Variants in UNC13C observed in about 807,000 individuals in gnomAD.
UNC13C encodes the protein unc-13 homolog C, also known as protein unc-13 homolog C.
Under a neutral mutation model 245.4 loss-of-function variants are expected in UNC13C, and 174 were observed. The observed-to-expected ratio is 0.71, with a 90% CI of 0.63 to 0.80. The LOEUF (loss-of-function observed/expected upper bound fraction) is 0.80, where lower values mean the gene tolerates loss of function less well. Among genes scored for constraint, UNC13C ranks in the 30% least tolerant of loss-of-function variants. The pLI, the probability that UNC13C is intolerant of heterozygous loss-of-function variation, is 0.00. For missense variants in UNC13C, 2,829 were observed against 2,602.9 expected (o/e 1.09, Z -1.89); for synonymous variants, 992 against 895.1 (o/e 1.11, Z -1.93).
rs542552938 is a variant in UNC13C at position 54,013,010 on chromosome 15, G to A, written c.107G>A (p.Arg36His). 2,809 of 1,613,796 alleles carry A rather than the reference G, an allele frequency of 1.7e-3. 65 individuals carry two copies. In the South Asian group the frequency reaches 0.029, roughly 17 times the overall value. ...LGNTNKNKEY[R>H]QQKKDQDFPT... ...AATACAAACAAAAACAAAGAGTATC[G>A]TCAGCAGAAAAAGGATCAAGACTTC... Residue 36 changes from arginine (R) to histidine (H), a missense_variant, in exon 2 of 33, where the codon CGT (arginine) becomes CAT (histidine). By Grantham distance (29) the Arg-to-His change is conservative. Transcript: ENST00000260323.
At chr15:54,034,468 T>A (rs17633788) in intron 2 of UNC13C, among the ~76,000 whole-genome samples, 8,439 of 152,262 alleles carry the variant, frequency 0.055, 283 homozygotes, top group Non-Finnish European at 0.07. Context: ...TGGTATTAAC[T>A]CTGTTTTCTT....
intron 30 of UNC13C, chr15:54,611,509 G>T (rs1900092435): frequency 6.6e-6 from 1 of 152,080 alleles, no homozygotes; most frequent in African/African-American, 2.4e-5. Flanking sequence ...AAGAAGAGAA[G>T]GTCCATCCAT....
intron 32 of UNC13C, among the ~76,000 whole-genome samples, chr15:54,625,402 A>C (rs978490001): frequency 2.6e-5 from 4 of 152,178 alleles, no homozygotes; most frequent in African/African-American, 9.6e-5. Context: ...GAATAAAATC[A>C]AAGATGATCC....
chr15:54,505,762 TGAGA>T (rs1894445893), intron 22 of UNC13C, among the ~76,000 whole-genome samples: 1 of 150,678 alleles, frequency 6.6e-6, no homozygotes. Context: ...TTTTTTTTTT[TGAGA>T]CAATCTCGCT....
chr15:54,327,722 A>C (rs2038335057), intron 14 of UNC13C, among the ~76,000 whole-genome samples: 1 of 152,026 alleles, frequency 6.6e-6, no homozygotes. Flanking sequence ...TAACCAGTGC[A>C]CTGAGTAATT....
At chr15:54,033,586 C>A (rs1310672741) in intron 2 of UNC13C, among the ~76,000 whole-genome samples, 1 of 152,044 alleles carries the variant, frequency 6.6e-6, no homozygotes, top group Non-Finnish European at 1.5e-5. Context: ...CCAAGAAGGA[C>A]CTGGGAATAA....
intron 19 of UNC13C, among the ~76,000 whole-genome samples, chr15:54,433,731 C>G (rs893221720): frequency 6.6e-6 from 1 of 151,880 alleles, no homozygotes; most frequent in Non-Finnish European, 1.5e-5. Context: ...AAGTTCTGGC[C>G]AGGGCAATCA....
At chr15:54,159,609 G>A (rs995182731) in intron 4 of UNC13C, among the ~76,000 whole-genome samples, 9 of 152,262 alleles carry the variant, frequency 5.9e-5, no homozygotes, top group Admixed American at 2.6e-4. Flanking sequence ...ATAATCTAGA[G>A]TTTAAGGGCC....
the UNC13C span, among the ~76,000 whole-genome samples, chr15:53,871,683 C>T: frequency 6.6e-6 from 1 of 152,170 alleles, no homozygotes; most frequent in African/African-American, 2.4e-5. Flanking sequence ...CCCTAGATAG[C>T]CTGTGGCTGG....
the UNC13C span, among the ~76,000 whole-genome samples, chr15:53,858,428 G>GTT: frequency 3.0e-4 from 44 of 144,794 alleles, no homozygotes; most frequent in African/African-American, 4.6e-4. Flanking sequence ...GTTTTTGTTT[G>GTT]TTTTTTTTTT....
intron 2 of UNC13C, among the ~76,000 whole-genome samples, chr15:54,137,889 T>C (rs914698077): frequency 6.6e-6 from 1 of 152,166 alleles, no homozygotes; most frequent in Non-Finnish European, 1.5e-5. Context: ...TTTGGTTTTG[T>C]ATCTAGTTCT....
chr15:54,517,260 T>C (rs1029276954), intron 24 of UNC13C, among the ~76,000 whole-genome samples: 7 of 152,108 alleles, frequency 4.6e-5, no homozygotes, highest in Non-Finnish European at 7.4e-5. Flanking sequence ...TTATAAAGTA[T>C]ATATTAGATA....
chr15:54,188,271 A>G (rs1259109314), intron 4 of UNC13C, among the ~76,000 whole-genome samples: 2 of 152,162 alleles, frequency 1.3e-5, no homozygotes, highest in African/African-American at 2.4e-5. Context: ...ACAGCGTAAA[A>G]AGGTACACAC....
the UNC13C span, among the ~76,000 whole-genome samples, chr15:53,967,329 TTG>T: frequency 0.16 from 11,992 of 75,778 alleles, 1,008 homozygotes; most frequent in African/African-American, 0.25. Flanking sequence ...AATTTTTTTT[TTG>T]TTGTTTTGTT....
rs58264883 is a variant in UNC13C at position 54,028,684 on chromosome 15, CTTTTTTTTTT to C, written c.2983+12810_2983+12819del. 2.7e-3 allele frequency among the ~76,000 whole-genome samples: 232 copies of C among 87,096 alleles called. 1 individual carries two copies. Among genetic ancestry groups the C allele is most frequent in the Non-Finnish European group, 3.8e-3 (188 of 49,330 alleles). 57.1% of individuals were successfully genotyped at this position (87,096 alleles called of 152,430 possible). Reference sequence around the variant, plus strand: ...TGGCCTCCAGAGTCAGCCTACAAGTCTTTTTTTTTTTTTTTTTTTTTGAGACGGAGTCTCG... The same window carrying C: ...TGGCCTCCAGAGTCAGCCTACAAGTCTTTTTTTTTTTGAGACGGAGTCTCG... On this transcript the variant is annotated intron_variant, in intron 2 of 32. Coordinates refer to ENST00000260323, the MANE Select transcript of UNC13C (RefSeq NM_001080534.3).
At position 54,532,908 on chromosome 15, in the gene UNC13C, T is replaced by C. The variant is rs1477796844; in HGVS notation, c.5547-9T>C. On this transcript the variant is annotated splice_polypyrimidine_tract_variant and intron_variant, in intron 25 of 32. Transcript: ENST00000260323. The stretch of plus-strand genomic sequence containing the variant: ...CTTATATTTTAGAATTTATATTCTT[T>C]ATTTTTAGTTTCCAGGTTATAATTG... 1.4e-6 allele frequency: 2 copies of C among 1,476,468 alleles called. No homozygotes were observed. The highest frequency in any genetic ancestry group is 2.8e-5 in the African/African-American group (2 of 70,394). The allele number at this position is 1,476,468 out of a possible 1,614,324, so 91.5% of individuals were successfully genotyped here.
the UNC13C span, among the ~76,000 whole-genome samples, chr15:53,945,373 T>C: frequency 6.6e-6 from 1 of 152,208 alleles, no homozygotes; most frequent in Non-Finnish European, 1.5e-5. Context: ...TTTTATAGTT[T>C]GGATTTTATA....
chr15:54,141,944 A>G (rs1483425172), intron 2 of UNC13C, among the ~76,000 whole-genome samples: 2 of 152,166 alleles, frequency 1.3e-5, no homozygotes, highest in Non-Finnish European at 2.9e-5. Context: ...TCATTGAGCT[A>G]CATGACCTTG....
At chr15:54,026,290 G>A (rs904001171) in intron 2 of UNC13C, among the ~76,000 whole-genome samples, 5 of 152,220 alleles carry the variant, frequency 3.3e-5, no homozygotes, top group African/African-American at 7.2e-5. Context: ...GATAGTTACC[G>A]GTCATTAATG....
Sources: gnomAD v4.1 joint callset for allele counts (sites outside exome capture counted in the v4.1 genomes callset) on GRCh38, gnomAD v4.1.1 for gene constraint, MANE v1.5 for transcripts, NCBI Gene and HGNC (gene_info 2026-07-23, HGNC 2026-07-21) for gene names.